SORCS2: variants seen among roughly 807,000 people sequenced by gnomAD.
SORCS2 encodes VPS10 domain-containing receptor SorCS2.
SORCS2 carries 100 observed loss-of-function variants against 141.6 expected under a neutral mutation model. The ratio of observed to expected loss-of-function variants is 0.71; its 90% confidence interval spans 0.60 to 0.83. SORCS2 has a LOEUF of 0.83. Among genes scored for constraint, SORCS2 ranks in the 40% least tolerant of loss-of-function variants. SORCS2 has a pLI of 0.00. For synonymous variants in SORCS2, 789 were observed against 676.9 expected (o/e 1.17, Z -2.57); for missense variants, 1,646 against 1,560.2 (o/e 1.05, Z -0.93).
intron 4 of SORCS2, among the ~76,000 whole-genome samples, chr4:7,644,132 C>T (rs576594418): frequency 3.3e-5 from 5 of 152,282 alleles, no homozygotes; most frequent in African/African-American, 9.6e-5. Flanking sequence ...CACTAGACCC[C>T]CCTTCCCAGG....
rs951490484 is a variant in SORCS2, at chr4:7,201,879, G to A, written c.480+8753G>A. ...CGTCCTCCCCTTTTGGAAGTCCAGG[G>A]AGCAGAGATCCCTGGCTCTGGCCAC... On this transcript the variant is annotated intron_variant, in intron 1 of 26. Transcript: ENST00000507866. The surrounding 1 kb of genome is among the most constrained non-coding windows in gnomAD (Gnocchi z 4.4). Among the ~76,000 whole-genome samples the A allele has an allele frequency of 2.0e-5, 3 of 152,152 alleles. No individual in the cohort carries two copies. The highest frequency in any genetic ancestry group is 4.4e-5 in the Non-Finnish European group (3 of 68,044).
intron 1 of SORCS2, among the ~76,000 whole-genome samples, chr4:7,388,035 C>G (rs55783146): frequency 0.16 from 23,419 of 145,938 alleles, 1,869 homozygotes; most frequent in African/African-American, 0.2. Flanking sequence ...GATACGCACA[C>G]ATGCACACAC....
intron 2 of SORCS2, among the ~76,000 whole-genome samples, chr4:7,441,700 A>T (rs1261238879): frequency 2.2e-5 from 2 of 89,994 alleles, no homozygotes; most frequent in African/African-American, 8.8e-5. Flanking sequence ...CCAGGTTGTC[A>T]TCCACCTCCT....
chr4:7,668,097 G>A (rs1312507403), intron 8 of SORCS2, among the ~76,000 whole-genome samples: 2 of 152,252 alleles, frequency 1.3e-5, no homozygotes, highest in Non-Finnish European at 2.9e-5. Flanking sequence ...ACCAGAATGT[G>A]TGCTAGGAGG....
intron 10 of SORCS2, among the ~76,000 whole-genome samples, chr4:7,684,258 C>T (rs1463050730): frequency 6.6e-6 from 1 of 152,194 alleles, no homozygotes; most frequent in Non-Finnish European, 1.5e-5. Context: ...GCCTCTGAGC[C>T]TCTGTTGAAA....
Position 7,702,353 on chromosome 4 carries a change from CACAT to C in SORCS2, c.1669-926_1669-923del, listed in dbSNP as rs747445830. ...TGTTGAGACATGCGCTGGCCGCCCA[CACAT>C]GCATGTTCACTGGAGATTTGGGGCA... On this transcript the variant is annotated intron_variant, in intron 12 of 26. Coordinates refer to ENST00000507866, the MANE Select transcript of SORCS2 (RefSeq NM_020777.3). Among the ~76,000 whole-genome samples the C allele has an allele frequency of 1.6e-3, 251 of 152,366 alleles. 3 individuals are homozygous for C. Among genetic ancestry groups the C allele is most frequent in the Non-Finnish European group, 1.7e-3 (118 of 68,030 alleles).
At chr4:7,434,450 G>A in intron 2 of SORCS2, 1 of 1,610,646 alleles carries the variant, frequency 6.2e-7, no homozygotes, top group Non-Finnish European at 8.5e-7. Context: ...AGGTGCCTCT[G>A]CAGCGGCTCA....
At chr4:7,592,094 C>CT (rs1221792821) in intron 3 of SORCS2, among the ~76,000 whole-genome samples, 1 of 152,154 alleles carries the variant, frequency 6.6e-6, no homozygotes, top group African/African-American at 2.4e-5. Flanking sequence ...AGCTTCTCCC[C>CT]TTTATACTTG....
intron 2 of SORCS2, among the ~76,000 whole-genome samples, chr4:7,414,707 T>C (rs2109165885): frequency 6.6e-6 from 1 of 152,256 alleles, no homozygotes; most frequent in South Asian, 2.1e-4. Context: ...AGACAAATGG[T>C]TACAAGAAGA....
chr4:7,387,942 A>G lies in SORCS2; in HGVS notation c.481-8346A>G, dbSNP rs1038115536. Among the ~76,000 whole-genome samples the G allele has an allele frequency of 2.1e-5, 3 of 144,326 alleles. No homozygotes were observed. The Admixed American group carries it at 2.1e-4, about 10-fold the overall frequency. 94.7% of individuals were successfully genotyped at this position (144,326 alleles called of 152,430 possible). A position where few individuals can be genotyped will look rare whatever the true frequency, so the allele number is the denominator to read the frequency against. On this transcript the variant is annotated intron_variant, in intron 1 of 26. Coordinates refer to ENST00000507866, the MANE Select transcript of SORCS2 (RefSeq NM_020777.3). ...CACACCCACATGCACACACCGATAC[A>G]CATACACACATGCACACACACACAG...
chr4:7,560,983 A>G (rs1007449303), intron 3 of SORCS2, among the ~76,000 whole-genome samples: 28 of 152,238 alleles, frequency 1.8e-4, no homozygotes, highest in Admixed American at 1.4e-3. Flanking sequence ...GCTTGCCGCC[A>G]TATTTGGGGA....
chr4:7,535,435 G>A (rs1008353050), intron 3 of SORCS2, among the ~76,000 whole-genome samples: 98 of 152,196 alleles, frequency 6.4e-4, no homozygotes, highest in African/African-American at 2.2e-3. Context: ...CTGTTCCTGG[G>A]TCTGAGTCTG....
chr4:7,560,433 G>A (rs993653876), intron 3 of SORCS2, among the ~76,000 whole-genome samples: 1 of 152,128 alleles, frequency 6.6e-6, no homozygotes, highest in Non-Finnish European at 1.5e-5. Flanking sequence ...CAGGGGCTGT[G>A]CTTTGTCTCT....
At chr4:7,658,487 A>G (rs562198339) in intron 5 of SORCS2, among the ~76,000 whole-genome samples, 1 of 152,322 alleles carries the variant, frequency 6.6e-6, no homozygotes, top group East Asian at 1.9e-4. Context: ...GAGCAATGTC[A>G]GGCCTGAGAC....
intron 1 of SORCS2, among the ~76,000 whole-genome samples, chr4:7,208,339 A>G (rs1331491024): frequency 6.6e-6 from 1 of 152,102 alleles, no homozygotes; most frequent in African/African-American, 2.4e-5. Flanking sequence ...GCATTTCCAA[A>G]TGGCCTCTGG....
At chr4:7,736,927 T>C in intron 25 of SORCS2, 142 bp from the exon 26 acceptor site, 2 of 1,085,136 alleles carry the variant, frequency 1.8e-6, no homozygotes, top group African/African-American at 1.6e-5. Context: ...GAGGCAAAAC[T>C]TGGGGCTGGG....
intron 2 of SORCS2, among the ~76,000 whole-genome samples, chr4:7,454,102 T>A (rs1204965357): frequency 3.0e-5 from 3 of 100,306 alleles, no homozygotes; most frequent in East Asian, 3.6e-4. Context: ...TGGGGTCAGG[T>A]GCTGTGTTGG....
intron 23 of SORCS2, among the ~76,000 whole-genome samples, chr4:7,732,688 C>T (rs544964631): frequency 6.6e-6 from 1 of 152,222 alleles, no homozygotes; most frequent in East Asian, 1.9e-4. Context: ...GGGATGGAGC[C>T]TCCTGGAGCA....
intron 2 of SORCS2, among the ~76,000 whole-genome samples, chr4:7,511,176 C>A (rs534068948): frequency 6.6e-6 from 1 of 152,156 alleles, no homozygotes; most frequent in Non-Finnish European, 1.5e-5. Context: ...CACGCAGAGC[C>A]CTCCAAGTCA....
Sources: gnomAD v4.1 joint callset for allele counts (sites outside exome capture counted in the v4.1 genomes callset) on GRCh38, gnomAD v4.1.1 for gene constraint, Gnocchi (gnomAD v3.1) non-coding constraint, MANE v1.5 for transcripts, NCBI Gene and HGNC (gene_info 2026-07-23, HGNC 2026-07-21) for gene names.